The following ANO10 variants were observed in gnomAD, a reference collection of about 807,000 sequenced individuals.
The protein encoded by ANO10 is anoctamin 10, also known as anoctamin-10.
ANO10 carries 77 observed loss-of-function variants against 74.7 expected under a neutral mutation model. The ratio of observed to expected loss-of-function variants is 1.03; its 90% CI spans 0.86 to 1.25. The LOEUF (loss-of-function observed/expected upper bound fraction) is 1.25, where lower values mean the gene tolerates loss of function less well. ANO10 is among the 50% of genes most tolerant of loss of function. ANO10 has a pLI of 0.00. For missense variants in ANO10, 721 were observed against 778.1 expected, an observed-to-expected ratio of 0.93 and a Z score of 0.87; for synonymous variants, 279 against 284.9, an observed-to-expected ratio of 0.98 and a Z score of 0.21.
chr3:43,524,359 T>C (rs1381790725), intron 11 of ANO10, among the ~76,000 whole-genome samples: 1 of 7,442 alleles, frequency 1.3e-4, no homozygotes, highest in East Asian at 5.5e-3. Context: ...CAATTCCTTT[T>C]AACTCCCCCT....
chr3:43,678,584 C>T (rs982112651), intron 1 of ANO10, among the ~76,000 whole-genome samples: 7 of 152,200 alleles, frequency 4.6e-5, no homozygotes, highest in African/African-American at 1.2e-4. Context: ...CTTGCTCAAT[C>T]GATCAGGACC....
chr3:43,464,061 G>A (rs539364341), intron 11 of ANO10, among the ~76,000 whole-genome samples: 4 of 152,268 alleles, frequency 2.6e-5, no homozygotes, highest in Non-Finnish European at 5.9e-5. Flanking sequence ...CTTCCGCCAT[G>A]ATCATGAGGC....
chr3:43,399,823 TC>T (rs1160042315), intron 12 of ANO10, among the ~76,000 whole-genome samples: 5 of 152,144 alleles, frequency 3.3e-5, no homozygotes, highest in African/African-American at 1.2e-4. Context: ...TTTCCTTGCA[TC>T]CCCTTCTTAT....
chr3:43,590,079 AT>A (rs2081657744), intron 4 of ANO10, among the ~76,000 whole-genome samples: 1 of 152,156 alleles, frequency 6.6e-6, no homozygotes, highest in Non-Finnish European at 1.5e-5. Context: ...TACATGTATT[AT>A]TTTTTAAATT....
At chr3:43,424,852 C>T (rs1370376789) in intron 12 of ANO10, 2 of 152,174 alleles carry the variant, frequency 1.3e-5, no homozygotes, top group East Asian at 3.9e-4. Flanking sequence ...CGAAATGAAC[C>T]CTTTGGGTGG....
intron 11 of ANO10, among the ~76,000 whole-genome samples, chr3:43,484,542 G>A (rs1020253891): frequency 2.0e-5 from 3 of 152,008 alleles, no homozygotes; most frequent in Non-Finnish European, 2.9e-5. Context: ...TATTTCTATC[G>A]CCTTCAGGGT....
chr3:43,367,157 G>A (rs2091440495), intron 12 of ANO10, among the ~76,000 whole-genome samples, 183 bp from the exon 13 acceptor site: 2 of 152,190 alleles, frequency 1.3e-5, no homozygotes, highest in Non-Finnish European at 2.9e-5. Context: ...AGTTGGTGTG[G>A]TGGAAATGCA....
chr3:43,496,380 A>C (rs2076914852), intron 11 of ANO10, among the ~76,000 whole-genome samples: 1 of 152,176 alleles, frequency 6.6e-6, no homozygotes, highest in Non-Finnish European at 1.5e-5. Flanking sequence ...TCTATTCCTA[A>C]GGAGTGTCAA....
chr3:43,691,000 C>CGGAGGA, intron 1 of ANO10: 3 of 1,571,488 alleles, frequency 1.9e-6, no homozygotes, highest in South Asian at 2.3e-5. Flanking sequence ...GCTATGGCGG[C>CGGAGGA]GGAGGAGGAG....
intron 11 of ANO10, among the ~76,000 whole-genome samples, chr3:43,534,535 G>C (rs1235100263): frequency 2.0e-5 from 3 of 152,126 alleles, no homozygotes; most frequent in Non-Finnish European, 4.4e-5. Context: ...AAGGGGGTTG[G>C]GGGGAGGGAG....
intron 1 of ANO10, among the ~76,000 whole-genome samples, chr3:43,687,902 G>A (rs2084295124): frequency 6.6e-6 from 1 of 152,132 alleles, no homozygotes; most frequent in South Asian, 2.1e-4. Context: ...ACAGTCCAAG[G>A]GTTCCAGGGT....
chr3:43,643,629 A>G (rs1346723464), intron 1 of ANO10, among the ~76,000 whole-genome samples: 1 of 148,600 alleles, frequency 6.7e-6, no homozygotes, highest in Admixed American at 6.7e-5. Flanking sequence ...TTTTTATGCA[A>G]TTTTGGAGCT....
At chr3:43,369,211 C>T (rs2091517794) in intron 12 of ANO10, among the ~76,000 whole-genome samples, 1 of 152,250 alleles carries the variant, frequency 6.6e-6, no homozygotes, top group Non-Finnish European at 1.5e-5. Context: ...TTCTCTCAGG[C>T]CCAGGGTTGG....
intron 10 of ANO10, chr3:43,551,574 C>A: frequency 2.2e-6 from 1 of 456,986 alleles, no homozygotes; most frequent in Non-Finnish European, 4.4e-6. Context: ...CACCTGTGTC[C>A]AAACAAAATA....
chr3:43,453,178 CCTTT>C (rs1487376515), intron 11 of ANO10, among the ~76,000 whole-genome samples: 2 of 138,190 alleles, frequency 1.4e-5, no homozygotes, highest in Non-Finnish European at 3.1e-5. Context: ...TTCTTTTCCC[CCTTT>C]TTTTTTTTTT....
intron 11 of ANO10, among the ~76,000 whole-genome samples, chr3:43,511,097 T>C (rs1239346619): frequency 6.6e-6 from 1 of 152,232 alleles, no homozygotes; most frequent in Non-Finnish European, 1.5e-5. Context: ...TCATGCTCTT[T>C]ATGATTTCAT....
chr3:43,685,518 T>C (rs1471910191), intron 1 of ANO10, among the ~76,000 whole-genome samples: 2 of 152,222 alleles, frequency 1.3e-5, no homozygotes, highest in East Asian at 1.9e-4. Flanking sequence ...TGTGTCTCTA[T>C]GTGCACATGA....
chr3:43,472,945 T>C (rs549758813), intron 11 of ANO10, among the ~76,000 whole-genome samples: 2 of 152,290 alleles, frequency 1.3e-5, no homozygotes, highest in South Asian at 2.1e-4. Context: ...TGTATATACA[T>C]AAAAATAAAG....
chr3:43,552,795 ACACT>A (rs1416550636), intron 10 of ANO10, among the ~76,000 whole-genome samples: 1 of 150,940 alleles, frequency 6.6e-6, no homozygotes, highest in Non-Finnish European at 1.5e-5. Flanking sequence ...ATATATACAC[ACACT>A]ATTTTCTTTT....
Sources: gnomAD v4.1 joint callset for allele counts (sites outside exome capture counted in the v4.1 genomes callset) on GRCh38, gnomAD v4.1.1 for gene constraint, MANE v1.5 for transcripts, NCBI Gene and HGNC (gene_info 2026-07-23, HGNC 2026-07-21) for gene names.